FAM83A: variants seen among roughly 807,000 people sequenced by gnomAD.
The protein encoded by FAM83A is protein FAM83A.
In FAM83A, 21 loss-of-function variants were observed where a neutral mutation model predicts 24.4. The observed-to-expected ratio is 0.86, with a 90% confidence interval of 0.61 to 1.24. FAM83A has a LOEUF of 1.24. Ranked by LOEUF, FAM83A falls within the 50% of genes most tolerant of loss-of-function variation. The pLI is 0.00. For synonymous variants in FAM83A, 270 were observed against 252.4 expected, an observed-to-expected ratio of 1.07 and a Z score of -0.66; for missense variants, 617 against 579.8, an observed-to-expected ratio of 1.06 and a Z score of -0.66.
chr8:123,182,882 AAATCCG>A, exon 1 of FAM83A: 4 of 1,522,418 alleles, frequency 2.6e-6, no homozygotes, highest in Non-Finnish European at 3.5e-6. Context: ...CACCTGGGCA[AAATCCG>A]GAAGCGTCTG....
chr8:123,194,206 T>G (rs1471396610), intron 3 of FAM83A, 58 bp downstream of exon 3: 4 of 1,601,608 alleles, frequency 2.5e-6, no homozygotes, highest in Non-Finnish European at 3.4e-6. Context: ...CTGAGTGAGG[T>G]GCAGACCAGC....
At chr8:123,207,245 C>G in exon 4 of FAM83A, 1 of 1,612,948 alleles carries the variant, frequency 6.2e-7, no homozygotes, top group Non-Finnish European at 8.5e-7. Flanking sequence ...GGAGTTCCGC[C>G]ACCTCTACGC....
chr8:123,208,597 A>G, exon 4 of FAM83A: 1 of 985,548 alleles, frequency 1.0e-6, no homozygotes, highest in Non-Finnish European at 1.2e-6. Context: ...AAGCCCCATC[A>G]TTCATTTCTT....
intron 2 of FAM83A, among the ~76,000 whole-genome samples, chr8:123,192,263 A>G (rs1586780047): frequency 6.6e-6 from 1 of 152,058 alleles, no homozygotes; most frequent in Non-Finnish European, 1.5e-5. Flanking sequence ...TTCTCTTATA[A>G]CTCATTGACC....
At chr8:123,195,358 C>T (rs1824113969) in intron 3 of FAM83A, among the ~76,000 whole-genome samples, 1 of 152,078 alleles carries the variant, frequency 6.6e-6, no homozygotes, top group African/African-American at 2.4e-5. Flanking sequence ...AGCCAACTGG[C>T]AAATCTCTAG....
At chr8:123,182,991 G>A (rs1048365109) in exon 1 of FAM83A, 2 of 1,612,204 alleles carry the variant, frequency 1.2e-6, no homozygotes, top group Non-Finnish European at 8.5e-7. Flanking sequence ...TCTTGGATGG[G>A]GGTTCTGAAG....
intron 3 of FAM83A, among the ~76,000 whole-genome samples, chr8:123,206,751 G>A (rs2131109332): frequency 6.6e-6 from 1 of 152,260 alleles, no homozygotes; most frequent in East Asian, 1.9e-4. Flanking sequence ...GTGTCGCAAT[G>A]TCTCTCTCTC....
At chr8:123,203,585 T>A (rs1235220066) in intron 3 of FAM83A, among the ~76,000 whole-genome samples, 4 of 39,568 alleles carry the variant, frequency 1.0e-4, no homozygotes, top group African/African-American at 3.0e-4. Flanking sequence ...GAGATCTGTC[T>A]CAAAAAAAAA....
chr8:123,183,126 A>G (rs2131054802), exon 1 of FAM83A: 2 of 1,613,912 alleles, frequency 1.2e-6, no homozygotes, highest in East Asian at 4.5e-5. Flanking sequence ...GGGCGGAAGC[A>G]GGCCCTAAGG....
chr8:123,182,345 C>A (rs1197168105), upstream of FAM83A: 3 of 356,144 alleles, frequency 8.4e-6, no homozygotes, highest in South Asian at 4.1e-5. Flanking sequence ...ATCTTTCCCC[C>A]CCACAGGGAA....
chr8:123,191,010 C>G (rs1328025100), intron 1 of FAM83A, among the ~76,000 whole-genome samples: 2 of 152,226 alleles, frequency 1.3e-5, no homozygotes, highest in Non-Finnish European at 2.9e-5. Context: ...CTGTGGCCAA[C>G]AGGGGATGCC....
At chr8:123,202,647 T>A (rs1277437916) in intron 3 of FAM83A, 1 of 152,652 alleles carries the variant, frequency 6.6e-6, no homozygotes, top group Non-Finnish European at 1.5e-5. Context: ...AAAAGCACAT[T>A]GGGTTCTGAC....
intron 3 of FAM83A, among the ~76,000 whole-genome samples, chr8:123,197,294 C>T (rs990181725): frequency 2.0e-5 from 3 of 152,218 alleles, no homozygotes; most frequent in African/African-American, 4.8e-5. Context: ...GCTTAGGAGG[C>T]ACATTCACAC....
intron 3 of FAM83A, among the ~76,000 whole-genome samples, chr8:123,204,325 G>A (rs1275701117): frequency 6.6e-6 from 1 of 152,180 alleles, no homozygotes; most frequent in Non-Finnish European, 1.5e-5. Flanking sequence ...GGGTTCATAA[G>A]TGCTTACTAT....
Position 123,209,593 on chromosome 8 carries a change from C to A in FAM83A, c.*1905C>A. The A allele has an allele frequency of 6.2e-7, 1 of 1,603,256 alleles. No homozygotes were observed. Among genetic ancestry groups the A allele is most frequent in the East Asian group, 2.2e-5 (1 of 44,672 alleles). On this transcript the variant is annotated 3_prime_UTR_variant, in exon 4 of 4. Transcript: ENST00000690554. The surrounding 1 kb of genome is among the most constrained non-coding windows in gnomAD (Gnocchi z 4.7). Reference sequence around the variant, plus strand: ...ATTCCAAATTGGATTTCACCATCTGCTGAGAAAGTTTAAGGAAGGCAAAGC... The same window carrying A: ...ATTCCAAATTGGATTTCACCATCTGATGAGAAAGTTTAAGGAAGGCAAAGC...
chr8:123,188,703 A>G (rs149197778), intron 1 of FAM83A, among the ~76,000 whole-genome samples: 1 of 152,138 alleles, frequency 6.6e-6, no homozygotes, highest in East Asian at 1.9e-4. Flanking sequence ...GGTTGGTTTC[A>G]AACTCTTGGC....
At chr8:123,184,269 A>G (rs1823718209) in intron 1 of FAM83A, among the ~76,000 whole-genome samples, 2 of 152,012 alleles carry the variant, frequency 1.3e-5, no homozygotes, top group African/African-American at 2.4e-5. Context: ...ACCTTTCCTG[A>G]ATTCCCCAGG....
At chr8:123,184,812 A>G (rs1319055957) in intron 1 of FAM83A, among the ~76,000 whole-genome samples, 3 of 152,174 alleles carry the variant, frequency 2.0e-5, no homozygotes, top group Non-Finnish European at 2.9e-5. Flanking sequence ...CCTCTCTCTC[A>G]TTCAAATTAT....
Position 123,209,224 on chromosome 8 carries a change from G to T in FAM83A, c.*1536G>T. ...CTCAGCCTTCGCTGTGGAGGGACGA[G>T]AGCACAGAGCTCTTCCTCCTGGTGG... is the stretch of plus-strand genomic sequence containing the variant. On this transcript the variant is annotated 3_prime_UTR_variant, in exon 4 of 4. Transcript: ENST00000690554. The surrounding 1 kb of genome is among the most constrained non-coding windows in gnomAD (Gnocchi z 4.7). The T allele has an allele frequency of 8.2e-7, 1 of 1,220,226 alleles. No homozygotes were observed. Among genetic ancestry groups the T allele is most frequent in the East Asian group, 3.5e-5 (1 of 28,250 alleles). The allele number at this position is 1,220,226 out of a possible 1,614,324, so 75.6% of individuals were successfully genotyped here.
Sources: allele counts gnomAD v4.1 joint callset (sites outside exome capture counted in the v4.1 genomes callset), GRCh38; gene constraint gnomAD v4.1.1; non-coding constraint Gnocchi (gnomAD v3.1); transcripts MANE v1.5; gene names NCBI Gene and HGNC (gene_info 2026-07-23, HGNC 2026-07-21).